RGL1: variants seen among roughly 807,000 people sequenced by gnomAD.
RGL1 encodes ral guanine nucleotide dissociation stimulator like 1.
RGL1 carries 24 observed loss-of-function variants against 95.2 expected under a neutral mutation model. The observed-to-expected ratio is 0.25, with a 90% CI of 0.18 to 0.35. RGL1 has a LOEUF of 0.35. Ranked by LOEUF, RGL1 falls within the 10% of genes least tolerant of loss-of-function variation. RGL1 has a pLI of 1.00. For missense variants in RGL1, 715 were observed against 936.3 expected (o/e 0.76, Z 3.08); for synonymous variants, 329 against 344.9 (o/e 0.95, Z 0.51).
chr1:183,921,273 T>G (rs1669296168), intron 16 of RGL1, among the ~76,000 whole-genome samples: 1 of 152,216 alleles, frequency 6.6e-6, no homozygotes, highest in Non-Finnish European at 1.5e-5. Flanking sequence ...TGTAGTTACA[T>G]ATGCAGATCT....
At chr1:183,884,369 T>G (rs1391038893) in intron 6 of RGL1, among the ~76,000 whole-genome samples, 1 of 152,184 alleles carries the variant, frequency 6.6e-6, no homozygotes, top group Admixed American at 6.5e-5. Flanking sequence ...GAAGTTTGAA[T>G]ATTTTTGTGA....
intron 2 of RGL1, among the ~76,000 whole-genome samples, chr1:183,837,002 C>T (rs1422381009): frequency 1.3e-5 from 2 of 152,092 alleles, no homozygotes; most frequent in Non-Finnish European, 2.9e-5. Flanking sequence ...TAAATGTTCC[C>T]ATAGGAATCG....
chr1:183,835,671 C>G (rs2102500485), intron 2 of RGL1, among the ~76,000 whole-genome samples: 1 of 152,256 alleles, frequency 6.6e-6, no homozygotes, highest in Middle Eastern at 3.4e-3. Context: ...CAGTCAGTGT[C>G]AAGAGGTAAG....
chr1:183,708,601 C>A (rs1009409043), intron 1 of RGL1, among the ~76,000 whole-genome samples: 6 of 152,224 alleles, frequency 3.9e-5, no homozygotes, highest in Admixed American at 3.3e-4. Flanking sequence ...GAGGCAGTCC[C>A]CAACCAGGCT....
At chr1:183,663,586 G>C (rs1651808531) in intron 1 of RGL1, among the ~76,000 whole-genome samples, 1 of 152,088 alleles carries the variant, frequency 6.6e-6, no homozygotes, top group Non-Finnish European at 1.5e-5. Flanking sequence ...AGGATGTGGA[G>C]AAATTGGAAC....
rs542334673 is a variant in RGL1, at chr1:183,844,732, C to T, written c.139-2834C>T. Among the ~76,000 whole-genome samples the T allele has an allele frequency of 1.7e-3, 258 of 152,232 alleles. 1 individual carries two copies. Among genetic ancestry groups the T allele is most frequent in the Non-Finnish European group, 2.9e-3 (200 of 68,008 alleles). ...ACAGATGGGTACTACAAGGTTTGTT[C>T]TAAAACTACATATAGAGTGATAAAG... On this transcript the variant is annotated intron_variant, in intron 2 of 17. Transcript: ENST00000360851.
At chr1:183,795,124 C>T (rs1419801617) in intron 2 of RGL1, among the ~76,000 whole-genome samples, 1 of 152,190 alleles carries the variant, frequency 6.6e-6, no homozygotes, top group East Asian at 1.9e-4. Context: ...CTGCCTCAGC[C>T]TCCCTAAGTG....
At chr1:183,650,459 C>G (rs191193501) in intron 1 of RGL1, among the ~76,000 whole-genome samples, 2 of 152,084 alleles carry the variant, frequency 1.3e-5, no homozygotes, top group Non-Finnish European at 2.9e-5. Context: ...AGGAGAATAG[C>G]GTGAACCCAG....
intron 3 of RGL1, among the ~76,000 whole-genome samples, chr1:183,865,212 TGGAGTTG>T (rs1665753416): frequency 6.6e-6 from 1 of 152,206 alleles, no homozygotes; most frequent in Non-Finnish European, 1.5e-5. Flanking sequence ...GGCTCACATG[TGGAGTTG>T]GGAGAACAGC....
At chr1:183,801,046 A>C (rs1329973960), upstream of RGL1, among the ~76,000 whole-genome samples, 1 of 151,620 alleles carries the variant, frequency 6.6e-6, no homozygotes, top group Non-Finnish European at 1.5e-5. Flanking sequence ...TTTTTGAGGA[A>C]CCATACTGTT....
intron 1 of RGL1, among the ~76,000 whole-genome samples, chr1:183,642,296 T>C (rs1309311486): frequency 1.3e-5 from 2 of 152,162 alleles, no homozygotes; most frequent in Non-Finnish European, 2.9e-5. Flanking sequence ...CCAGAGTAGC[T>C]CTATAGCCTA....
At chr1:183,714,351 T>A (rs1007008151) in intron 1 of RGL1, among the ~76,000 whole-genome samples, 1 of 152,198 alleles carries the variant, frequency 6.6e-6, no homozygotes, top group Non-Finnish European at 1.5e-5. Context: ...TTGTCCCTTT[T>A]TAAACTGAGG....
chr1:183,904,106 A>C (rs2102706005), intron 12 of RGL1, among the ~76,000 whole-genome samples: 1 of 152,334 alleles, frequency 6.6e-6, no homozygotes, highest in South Asian at 2.1e-4. Flanking sequence ...CTAGGATATT[A>C]AACTTCTGGA....
intron 1 of RGL1, among the ~76,000 whole-genome samples, chr1:183,689,356 G>A (rs768123565): frequency 6.6e-6 from 1 of 152,184 alleles, no homozygotes. Flanking sequence ...GAGGATAAGA[G>A]ACATTTTATC....
At chr1:183,776,625 G>A (rs938025037) in intron 2 of RGL1, among the ~76,000 whole-genome samples, 3 of 152,200 alleles carry the variant, frequency 2.0e-5, no homozygotes, top group Non-Finnish European at 2.9e-5. Context: ...CAGGAGTGAG[G>A]GATGGAGGCG....
At chr1:183,741,649 T>G (rs1014704344) in intron 1 of RGL1, among the ~76,000 whole-genome samples, 5 of 152,252 alleles carry the variant, frequency 3.3e-5, no homozygotes, top group Non-Finnish European at 5.9e-5. Context: ...ACAGCCAAAC[T>G]ACTGAATTAT....
intron 2 of RGL1, among the ~76,000 whole-genome samples, chr1:183,744,714 T>G (rs1019072244): frequency 3.3e-5 from 5 of 152,242 alleles, no homozygotes; most frequent in Admixed American, 2.0e-4. Context: ...TTTCTATTTT[T>G]ATGCTGACAT....
intron 2 of RGL1, among the ~76,000 whole-genome samples, chr1:183,765,120 G>T (rs1225297675): frequency 6.6e-6 from 1 of 152,150 alleles, no homozygotes; most frequent in Non-Finnish European, 1.5e-5. Flanking sequence ...CTTACCACAG[G>T]CCAGGAACCC....
At chr1:183,781,876 C>T (rs1294610174) in intron 2 of RGL1, among the ~76,000 whole-genome samples, 2 of 152,142 alleles carry the variant, frequency 1.3e-5, no homozygotes, top group Non-Finnish European at 2.9e-5. Context: ...AAACTGTGCT[C>T]TAAAAAGGTT....
Sources: gnomAD v4.1 joint callset for allele counts (sites outside exome capture counted in the v4.1 genomes callset) on GRCh38, gnomAD v4.1.1 for gene constraint, MANE v1.5 for transcripts, NCBI Gene and HGNC (gene_info 2026-07-23, HGNC 2026-07-21) for gene names.